The following TMEM200A variants were observed in gnomAD, a reference collection of about 807,000 sequenced individuals.
TMEM200A encodes the protein transmembrane protein 200A.
TMEM200A carries 12 observed loss-of-function variants against 24.3 expected under a neutral mutation model. That is an observed-to-expected ratio of 0.49 (90% CI 0.32 to 0.80). The LOEUF (loss-of-function observed/expected upper bound fraction) is 0.80, where lower values mean the gene tolerates loss of function less well. TMEM200A is among the 30% of genes least tolerant of loss of function. TMEM200A has a pLI of 0.04. For missense variants in TMEM200A, 545 were observed against 614.4 expected, an observed-to-expected ratio of 0.89 and a Z score of 1.19; for synonymous variants, 224 against 224.4, an observed-to-expected ratio of 1.00 and a Z score of 0.02.
intron 2 of TMEM200A, among the ~76,000 whole-genome samples, chr6:130,423,967 C>G (rs1485653598): frequency 2.0e-5 from 3 of 152,174 alleles, no homozygotes; most frequent in Non-Finnish European, 4.4e-5. Flanking sequence ...TCCTCACCAA[C>G]AGTTGCAAGT....
intron 2 of TMEM200A, among the ~76,000 whole-genome samples, chr6:130,409,886 A>G (rs1234739921): frequency 1.3e-5 from 2 of 152,020 alleles, no homozygotes; most frequent in Non-Finnish European, 2.9e-5. Flanking sequence ...AAAACAATGA[A>G]TCACGTTCTT....
intron 2 of TMEM200A, among the ~76,000 whole-genome samples, chr6:130,413,013 A>G (rs1031117332): frequency 2.6e-5 from 4 of 152,356 alleles, no homozygotes; most frequent in African/African-American, 9.6e-5. Context: ...ACAATAAATT[A>G]CTTAGGAGTA....
chr6:130,434,593 C>G (rs552666349), intron 2 of TMEM200A, among the ~76,000 whole-genome samples: 10 of 152,018 alleles, frequency 6.6e-5, no homozygotes, highest in Admixed American at 2.0e-4. Flanking sequence ...CCAGAATGTG[C>G]TTAAGCTTGT....
In TMEM200A at chr6:130,422,769, C is replaced by T. The variant is rs113133204; in HGVS notation, c.-16-17638C>T. 3.0e-4 allele frequency among the ~76,000 whole-genome samples: 45 copies of T among 152,272 alleles called. 1 individual carries two copies. Among genetic ancestry groups the T allele is most frequent in the African/African-American group, 1.0e-3 (42 of 41,566 alleles). On this transcript the variant is annotated intron_variant, in intron 2 of 2. Coordinates refer to ENST00000296978, the MANE Select transcript of TMEM200A (RefSeq NM_001258277.2). ...CCCACTCAGCATTTAATGCAAGTTG[C>T]ATATGGCCAAAATAGTGAAGGCATT...
intron 2 of TMEM200A, among the ~76,000 whole-genome samples, chr6:130,405,910 C>A (rs192588458): frequency 2.8e-4 from 42 of 152,274 alleles, no homozygotes; most frequent in Admixed American, 5.2e-4. Context: ...ACACATATGA[C>A]CCTGCCCATG....
chr6:130,399,701 T>C (rs1189380343), intron 2 of TMEM200A, among the ~76,000 whole-genome samples: 3 of 151,674 alleles, frequency 2.0e-5, no homozygotes, highest in African/African-American at 4.8e-5. Flanking sequence ...TATTTTTCCA[T>C]AAGTTATTGG....
intron 2 of TMEM200A, among the ~76,000 whole-genome samples, chr6:130,410,264 G>GCT (rs1256708752): frequency 5.3e-5 from 8 of 152,122 alleles, no homozygotes; most frequent in African/African-American, 1.9e-4. Flanking sequence ...TCACTGCTTT[G>GCT]CTCTCATCTT....
rs999570596 is a variant in TMEM200A, at chr6:130,442,033, T to C, written c.*135T>C. ...TGTATTAGAATTGGCTGCTTAGTTC[T>C]GTAATGAAGATGGTTGTATGTTTGG... On this transcript the variant is annotated 3_prime_UTR_variant, in exon 3 of 3. Transcript: ENST00000296978. 5.9e-6 allele frequency: 5 copies of C among 840,546 alleles called. No individual in the cohort carries two copies. The Admixed American group carries it at 1.5e-4, about 26-fold the overall frequency. The allele number at this position is 840,546 out of a possible 1,614,324, so 52.1% of individuals were successfully genotyped here.
chr6:130,407,661 A>G (rs955898995), intron 2 of TMEM200A, among the ~76,000 whole-genome samples: 1 of 152,238 alleles, frequency 6.6e-6, no homozygotes, highest in African/African-American at 2.4e-5. Context: ...ACATGTAGAG[A>G]TGAGTAAGAG....
At chr6:130,431,871 G>A (rs911335728) in intron 2 of TMEM200A, among the ~76,000 whole-genome samples, 1 of 152,110 alleles carries the variant, frequency 6.6e-6, no homozygotes, top group Non-Finnish European at 1.5e-5. Context: ...AGCGTTTTCT[G>A]CAGGCTCAAG....
rs1375627465 is a variant in TMEM200A at position 130,366,560 on chromosome 6, A to AGGTG, written c.-81+43_-81+46dup. 2.6e-6 allele frequency: 1 copy of AGGTG among 389,056 alleles called. No homozygotes were observed. The highest frequency in any genetic ancestry group is 3.4e-6 in the Non-Finnish European group (1 of 290,342). The allele number at this position is 389,056 out of a possible 1,614,324, so 24.1% of individuals were successfully genotyped here. A position where few individuals can be genotyped will look rare whatever the true frequency, so the allele number is the denominator to read the frequency against. On this transcript the variant is annotated intron_variant, in intron 1 of 2. Transcript: ENST00000296978. This position sits in a 1 kb window ranked among gnomAD's most constrained non-coding sequence, Gnocchi z 4.4. ...GGAAAGGGTGCTGACGGGAGTGGGG[A>AGGTG]GGTGGGTGGGCGGCCACCGCAGCCG...
intron 2 of TMEM200A, among the ~76,000 whole-genome samples, chr6:130,422,331 C>T (rs1463813882): frequency 6.6e-6 from 1 of 152,030 alleles, no homozygotes; most frequent in Admixed American, 6.6e-5. Context: ...GGTAGTGGTG[C>T]GATATCGACT....
intron 2 of TMEM200A, among the ~76,000 whole-genome samples, chr6:130,411,624 G>C (rs549149567): frequency 1.3e-5 from 2 of 152,154 alleles, no homozygotes; most frequent in African/African-American, 4.8e-5. Flanking sequence ...ATGTTTCTTC[G>C]GTATTTGCTT....
intron 2 of TMEM200A, among the ~76,000 whole-genome samples, chr6:130,406,401 A>G (rs1193542234): frequency 6.6e-6 from 1 of 152,118 alleles, no homozygotes; most frequent in East Asian, 1.9e-4. Context: ...TCCCCCTTGC[A>G]TTTCTTTATA....
rs148206794 is a variant in TMEM200A at position 130,432,943 on chromosome 6, C to T, written c.-16-7464C>T. ...ATTAAGGGCTGTGTAGGGATTCAAG[C>T]CTGCTAGGTCTTCTGCCTCAAGTGC... On this transcript the variant is annotated intron_variant, in intron 2 of 2. Coordinates refer to ENST00000296978, the MANE Select transcript of TMEM200A (RefSeq NM_001258277.2). 1.2e-4 allele frequency among the ~76,000 whole-genome samples: 18 copies of T among 152,150 alleles called. No homozygotes were observed. In the East Asian group the frequency reaches 3.3e-3, roughly 28 times the overall value.
chr6:130,407,841 G>A (rs747888346), intron 2 of TMEM200A, among the ~76,000 whole-genome samples: 2 of 152,214 alleles, frequency 1.3e-5, no homozygotes, highest in Non-Finnish European at 2.9e-5. Context: ...CTCCTTAGAA[G>A]TAGATTTAAG....
Position 130,422,685 on chromosome 6 carries a change from G to A in TMEM200A, c.-16-17722G>A, listed in dbSNP as rs918807079. On this transcript the variant is annotated intron_variant, in intron 2 of 2. Coordinates refer to ENST00000296978, the MANE Select transcript of TMEM200A (RefSeq NM_001258277.2). The stretch of plus-strand genomic sequence containing the variant: ...TCCTGAATGTTGTTTTGATTGTTAC[G>A]GACTGCAAATTCCAAAACATGGGAA... 5.9e-5 allele frequency among the ~76,000 whole-genome samples: 9 copies of A among 151,990 alleles called. 1 individual carries two copies. Among genetic ancestry groups the A allele is most frequent in the Middle Eastern group, 6.3e-3 (2 of 316 alleles).
chr6:130,376,755 C>G (rs1778464858), intron 1 of TMEM200A, among the ~76,000 whole-genome samples: 1 of 152,010 alleles, frequency 6.6e-6, no homozygotes. Context: ...CATCGTCTTC[C>G]TCACATACAT....
At chr6:130,401,403 TTTTC>T (rs796477802) in intron 2 of TMEM200A, among the ~76,000 whole-genome samples, 59 of 80,348 alleles carry the variant, frequency 7.3e-4, no homozygotes, top group African/African-American at 3.1e-3. Flanking sequence ...CTTTCTTTCT[TTTTC>T]TTTCTTTCTC....
Sources: gnomAD v4.1 joint callset for allele counts (sites outside exome capture counted in the v4.1 genomes callset) on GRCh38, gnomAD v4.1.1 for gene constraint, Gnocchi (gnomAD v3.1) non-coding constraint, MANE v1.5 for transcripts, NCBI Gene and HGNC (gene_info 2026-07-23, HGNC 2026-07-21) for gene names.